The following OXR1 variants were observed in gnomAD, a reference collection of about 807,000 sequenced individuals.
OXR1 encodes oxidation resistance protein 1.
In OXR1, 41 loss-of-function variants were observed where a neutral mutation model predicts 104.6. That is an observed-to-expected ratio of 0.39 (90% CI 0.31 to 0.51). The LOEUF (loss-of-function observed/expected upper bound fraction) is 0.51, where lower values mean the gene tolerates loss of function less well. Ranked by LOEUF, OXR1 falls within the 20% of genes least tolerant of loss-of-function variation. The pLI is 0.77. For synonymous variants in OXR1, 348 were observed against 348.4 expected (o/e 1.00, Z 0.01); for missense variants, 955 against 1,031.9 (o/e 0.93, Z 1.02).
intron 1 of OXR1, among the ~76,000 whole-genome samples, chr8:106,309,052 C>T (rs1394166930): frequency 1.3e-5 from 2 of 151,548 alleles, no homozygotes; most frequent in East Asian, 1.9e-4. Flanking sequence ...AATCATGGCT[C>T]ACTGCAGCCT....
At chr8:106,605,559 C>G (rs1029860385) in intron 3 of OXR1, among the ~76,000 whole-genome samples, 1 of 150,886 alleles carries the variant, frequency 6.6e-6, no homozygotes, top group African/African-American at 2.4e-5. Context: ...CTTTTGGAGG[C>G]TGAGGCAGGT....
intron 6 of OXR1, among the ~76,000 whole-genome samples, chr8:106,684,873 C>G (rs1478649951): frequency 6.6e-6 from 1 of 152,110 alleles, no homozygotes; most frequent in African/African-American, 2.4e-5. Context: ...TACAAATGAA[C>G]TTCAGGGAAC....
intron 1 of OXR1, among the ~76,000 whole-genome samples, chr8:106,302,308 C>G (rs902046532): frequency 5.9e-5 from 9 of 152,096 alleles, no homozygotes; most frequent in Admixed American, 5.2e-4. Flanking sequence ...ATCAGCCGAG[C>G]GCGGTGGCTC....
intron 2 of OXR1, among the ~76,000 whole-genome samples, chr8:106,483,103 AGG>A (rs1822237649): frequency 6.6e-6 from 1 of 152,020 alleles, no homozygotes; most frequent in African/African-American, 2.4e-5. Flanking sequence ...ATATACCAAT[AGG>A]TATATTGGTA....
chr8:106,702,960 C>T lies in OXR1; in HGVS notation c.730C>T (p.His244Tyr), dbSNP rs761497162. The T allele has an allele frequency of 3.7e-6, 6 of 1,613,646 alleles. No individual in the cohort carries two copies. In the South Asian group the frequency reaches 6.6e-5, roughly 18 times the overall value. ...ACCAAATAATATAATGTTTGATCCA[C>T]ATAAAAATGACCCTTTGGTTCAAGA... is the stretch of plus-strand genomic sequence containing the variant. The part of the protein sequence containing the change: ...VTPNNIMFDP[H>Y]KNDPLVQENG... The change falls in exon 8 of 17, where the codon CAT becomes TAT. Residue 244 changes from histidine (H) to tyrosine (Y), a missense_variant. Physicochemically the swap from His to Tyr is moderately conservative, Grantham distance 83. Transcript: ENST00000517566.
chr8:106,367,014 G>A (rs910265443), intron 2 of OXR1, among the ~76,000 whole-genome samples: 11 of 150,734 alleles, frequency 7.3e-5, no homozygotes, highest in Admixed American at 4.6e-4. Flanking sequence ...ACCATTATAT[G>A]GTCAATAAAA....
intron 3 of OXR1, among the ~76,000 whole-genome samples, chr8:106,658,657 C>T (rs561727208): frequency 2.6e-5 from 4 of 152,300 alleles, no homozygotes; most frequent in African/African-American, 7.2e-5. Flanking sequence ...AAGCCAGATA[C>T]TTCTTTGTAA....
At chr8:106,449,329 A>G (rs1458021021) in intron 2 of OXR1, among the ~76,000 whole-genome samples, 1 of 152,168 alleles carries the variant, frequency 6.6e-6, no homozygotes, top group Non-Finnish European at 1.5e-5. Context: ...AAATGCAGCT[A>G]GCTACATAGA....
At chr8:106,694,676 A>ATT (rs1440663801) in intron 7 of OXR1, among the ~76,000 whole-genome samples, 1 of 111,660 alleles carries the variant, frequency 9.0e-6, no homozygotes, top group Non-Finnish European at 1.6e-5. Flanking sequence ...ATGTTTATAT[A>ATT]TTTAATATAT....
Position 106,405,241 on chromosome 8 carries a change from A to G in OXR1, c.23+45605A>G, listed in dbSNP as rs531034162. ...TGTGTGTGTGTGTGTGTGTGTGTGT[A>G]TAGGCTCATGTGATTATGGAGGCTG... On this transcript the variant is annotated intron_variant, in intron 2 of 16. Transcript: ENST00000517566. Among the ~76,000 whole-genome samples, 123 of 92,196 alleles carry G rather than the reference A, an allele frequency of 1.3e-3. 2 individuals carry two copies. Among genetic ancestry groups the G allele is most frequent in the African/African-American group, 4.3e-3 (88 of 20,486 alleles). 60.5% of individuals were successfully genotyped at this position (92,196 alleles called of 152,430 possible).
chr8:106,744,279 A>G (rs533132105), intron 15 of OXR1, among the ~76,000 whole-genome samples: 1 of 152,226 alleles, frequency 6.6e-6, no homozygotes, highest in Non-Finnish European at 1.5e-5. Flanking sequence ...TGCAAGTTGC[A>G]TCTGTCCCCT....
chr8:106,360,638 A>T (rs1005504053), intron 2 of OXR1, among the ~76,000 whole-genome samples: 3 of 151,218 alleles, frequency 2.0e-5, no homozygotes, highest in African/African-American at 7.3e-5. Flanking sequence ...TCTCAGTTTG[A>T]AAAAAAAAGC....
chr8:106,745,942 C>T, intron 16 of OXR1, 80 bp downstream of exon 16: 1 of 775,738 alleles, frequency 1.3e-6, no homozygotes, highest in Non-Finnish European at 2.2e-6. Flanking sequence ...ATTCAGTTGT[C>T]TTTAGAAAGT....
intron 3 of OXR1, among the ~76,000 whole-genome samples, chr8:106,611,747 CAGCATT>C (rs1820827731): frequency 6.6e-6 from 1 of 152,022 alleles, no homozygotes; most frequent in Non-Finnish European, 1.5e-5. Flanking sequence ...TATTCTTTGC[CAGCATT>C]AGGTGGGGAT....
chr8:106,602,698 T>C (rs1048869285), intron 3 of OXR1, among the ~76,000 whole-genome samples: 3 of 152,218 alleles, frequency 2.0e-5, no homozygotes, highest in African/African-American at 7.2e-5. Flanking sequence ...TATATATGTA[T>C]GCATGTTGTA....
intron 3 of OXR1, among the ~76,000 whole-genome samples, chr8:106,528,105 C>T (rs1418309936): frequency 2.6e-5 from 4 of 152,054 alleles, no homozygotes; most frequent in Non-Finnish European, 1.5e-5. Flanking sequence ...TGTCCCCTCC[C>T]TCTTTCCTTT....
chr8:106,694,930 T>C (rs1368359680), intron 7 of OXR1, among the ~76,000 whole-genome samples: 1 of 106,732 alleles, frequency 9.4e-6, no homozygotes, highest in South Asian at 2.8e-4. Flanking sequence ...TATATATTTA[T>C]ATATATATAA....
At chr8:106,330,252 C>G (rs535779440) in intron 1 of OXR1, among the ~76,000 whole-genome samples, 1 of 152,322 alleles carries the variant, frequency 6.6e-6, no homozygotes, top group Admixed American at 6.5e-5. Context: ...ACAACTATTT[C>G]TTTCTCAAAA....
intron 2 of OXR1, among the ~76,000 whole-genome samples, chr8:106,471,341 A>G (rs938287366): frequency 1.3e-5 from 2 of 151,716 alleles, no homozygotes; most frequent in Non-Finnish European, 2.9e-5. Context: ...AATTGCTTAG[A>G]GAGTTTTTCA....
Sources: gnomAD v4.1 joint callset for allele counts (sites outside exome capture counted in the v4.1 genomes callset) on GRCh38, gnomAD v4.1.1 for gene constraint, MANE v1.5 for transcripts, NCBI Gene and HGNC (gene_info 2026-07-23, HGNC 2026-07-21) for gene names.